Variants in GRAMD1B observed in about 807,000 individuals in gnomAD.
The protein encoded by GRAMD1B is protein Aster-B.
A neutral mutation model predicts 99.7 loss-of-function variants in GRAMD1B; 37 were observed. The observed-to-expected ratio is 0.37, with a 90% CI of 0.29 to 0.49. The LOEUF (loss-of-function observed/expected upper bound fraction) is 0.49. Ranked by LOEUF, GRAMD1B falls within the 20% of genes least tolerant of loss-of-function variation. The pLI is 0.98. For synonymous variants in GRAMD1B, 427 were observed against 387.6 expected (o/e 1.10, Z -1.19); for missense variants, 888 against 1,009.2 (o/e 0.88, Z 1.63).
At chr11:123,598,426 C>A in intron 7 of GRAMD1B, 1 of 952,812 alleles carries the variant, frequency 1.0e-6, no homozygotes, top group Non-Finnish European at 1.7e-6. Flanking sequence ...TGTACATTTT[C>A]ATGAGTGAGA....
intron 2 of GRAMD1B, among the ~76,000 whole-genome samples, chr11:123,537,433 G>GT: frequency 6.6e-6 from 1 of 152,250 alleles, no homozygotes; most frequent in East Asian, 1.9e-4. Flanking sequence ...AAGCTCCTTT[G>GT]TTTTCTAGAG....
intron 2 of GRAMD1B, among the ~76,000 whole-genome samples, chr11:123,486,561 A>AAG (rs1565291598): frequency 6.9e-6 from 1 of 145,182 alleles, no homozygotes; most frequent in East Asian, 2.0e-4. Flanking sequence ...AAAGAAAAAA[A>AAG]AAAAAAAACA....
chr11:123,619,515 C>A (rs1334495150), intron 19 of GRAMD1B: 1 of 1,211,274 alleles, frequency 8.3e-7, no homozygotes, highest in Non-Finnish European at 1.0e-6. Flanking sequence ...TTTTGGTAAC[C>A]CATAACCATC....
intron 1 of GRAMD1B, chr11:123,431,872 G>A (rs199498485): frequency 2.6e-6 from 1 of 391,794 alleles, no homozygotes; most frequent in Admixed American, 4.4e-5. Flanking sequence ...GCTGCAGGGC[G>A]CCCTAGAGCA....
At chr11:123,532,526 G>C (rs2714064) in intron 2 of GRAMD1B, among the ~76,000 whole-genome samples, 52,861 of 152,098 alleles carry the variant, frequency 0.35, 9,351 homozygotes, top group East Asian at 0.53. Flanking sequence ...GGCACGGGCT[G>C]ATGCCTCTTC....
chr11:123,579,526 G>T (rs1307669344), intron 3 of GRAMD1B, among the ~76,000 whole-genome samples: 1 of 152,170 alleles, frequency 6.6e-6, no homozygotes, highest in Non-Finnish European at 1.5e-5. Context: ...GGGCTCCAGC[G>T]GCTCGGCAGG....
Position 123,578,284 on chromosome 11 carries a change from G to A in GRAMD1B, c.663+707G>A, listed in dbSNP as rs111982070. 140 of 752,304 alleles carry A rather than the reference G, an allele frequency of 1.9e-4. No homozygotes were observed. In the African/African-American group the frequency reaches 2.2e-3, roughly 12 times the overall value. The allele number at this position is 752,304 out of a possible 1,614,324, so 46.6% of individuals were successfully genotyped here. On this transcript the variant is annotated intron_variant, in intron 3 of 19. Transcript: ENST00000635736. ...CTGGGACCCCCAGGGCCTGGGAAGG[G>A]GTTGGGGACCCCTGGGAGGCATGGG...
Position 123,600,484 on chromosome 11 carries a change from T to C in GRAMD1B, c.986T>C (p.Phe329Ser). The change falls in exon 8 of 20, where the codon TTT (phenylalanine) becomes TCT (serine). Residue 329 changes from phenylalanine to serine, a missense_variant. By Grantham distance (155) the Phe-to-Ser change is radical. Around this residue, in one of 5 missense-constraint regions of GRAMD1B, gnomAD observed 269 missense variants for 296.6 expected, o/e 0.91. Transcript: ENST00000635736. ...CCAATCTAGCACTTCTTCACTTCGT[T>C]TGGGGCCCGGGATAGGACATATATG... is the stretch of plus-strand genomic sequence containing the variant. ...TDSEKHFFTS[F>S]GARDRTYMMM... 1 of 1,609,608 alleles carries C rather than the reference T, an allele frequency of 6.2e-7. No homozygotes were observed. The highest frequency in any genetic ancestry group is 8.5e-7 in the Non-Finnish European group (1 of 1,176,380).
intron 1 of GRAMD1B, among the ~76,000 whole-genome samples, chr11:123,404,083 T>A (rs577527275): frequency 1.3e-5 from 2 of 152,354 alleles, no homozygotes; most frequent in African/African-American, 4.8e-5. Context: ...GTTTGACATG[T>A]TCTCTGTCCC....
chr11:123,520,169 A>C (rs1157328758), intron 2 of GRAMD1B, among the ~76,000 whole-genome samples: 2 of 152,212 alleles, frequency 1.3e-5, no homozygotes, highest in East Asian at 3.9e-4. Context: ...CAAAAGGAAA[A>C]AGCTGAACTC....
At chr11:123,480,927 A>C (rs1951562353) in intron 2 of GRAMD1B, 34 bp downstream of exon 2, 4 of 397,430 alleles carry the variant, frequency 1.0e-5, no homozygotes, top group Admixed American at 4.4e-5. Context: ...GATGGGGGCA[A>C]AGAATAGAGG....
At chr11:123,451,622 G>A (rs1205262277) in intron 1 of GRAMD1B, among the ~76,000 whole-genome samples, 5 of 152,090 alleles carry the variant, frequency 3.3e-5, no homozygotes, top group African/African-American at 4.8e-5. Context: ...CAGCTTCTGT[G>A]AACAGCTTTG....
chr11:123,460,479 G>A (rs1950358697), intron 1 of GRAMD1B: 1 of 152,186 alleles, frequency 6.6e-6, no homozygotes, highest in African/African-American at 2.4e-5. Context: ...CAGATTTGTG[G>A]CAATTACACC....
intron 2 of GRAMD1B, among the ~76,000 whole-genome samples, chr11:123,533,276 A>G (rs1443666219): frequency 6.6e-6 from 1 of 151,276 alleles, no homozygotes; most frequent in South Asian, 2.1e-4. Context: ...TGGCCTGTTT[A>G]TTAATTCTTA....
chr11:123,606,033 CAGA>C (rs142247284), intron 10 of GRAMD1B, among the ~76,000 whole-genome samples: 3,448 of 152,184 alleles, frequency 0.023, 129 homozygotes, highest in African/African-American at 0.077. Flanking sequence ...TGCTGGCAGG[CAGA>C]AGAACAGGTA....
At chr11:123,568,973 C>T (rs1363915041) in intron 2 of GRAMD1B, among the ~76,000 whole-genome samples, 1 of 152,148 alleles carries the variant, frequency 6.6e-6, no homozygotes, top group African/African-American at 2.4e-5. Context: ...TCCTTTTGAA[C>T]CCCAGTCCCA....
intron 1 of GRAMD1B, chr11:123,458,682 G>A (rs1020828139): frequency 6.4e-5 from 8 of 125,598 alleles, no homozygotes; most frequent in Non-Finnish European, 1.6e-5. Context: ...AACAGTGAAA[G>A]GCTGTTTTGT....
At chr11:123,618,651 C>T (rs1205883350) in intron 17 of GRAMD1B, 42 bp from the exon 18 acceptor site, 4 of 1,096,544 alleles carry the variant, frequency 3.6e-6, no homozygotes, top group East Asian at 5.0e-5. Flanking sequence ...GCTCAGGTGA[C>T]ATCTCACTGC....
At chr11:123,373,370 G>T (rs1192828218) in intron 1 of GRAMD1B, among the ~76,000 whole-genome samples, 1 of 152,116 alleles carries the variant, frequency 6.6e-6, no homozygotes, top group Admixed American at 6.5e-5. Flanking sequence ...ATCTACCAAG[G>T]TATGGCACAG....
Sources: gnomAD v4.1 joint callset for allele counts (sites outside exome capture counted in the v4.1 genomes callset) on GRCh38, gnomAD v4.1.1 for gene constraint, gnomAD v4.1.1 regional missense constraint, MANE v1.5 for transcripts, NCBI Gene and HGNC (gene_info 2026-07-23, HGNC 2026-07-21) for gene names.